CSGALNACT1: variants seen among roughly 807,000 people sequenced by gnomAD.
CSGALNACT1 encodes chondroitin sulfate N-acetylgalactosaminyltransferase 1.
CSGALNACT1 carries 52 observed loss-of-function variants against 51.0 expected under a neutral mutation model. The ratio of observed to expected loss-of-function variants is 1.02; its 90% CI spans 0.82 to 1.29. The LOEUF is 1.29. Among genes scored for constraint, CSGALNACT1 ranks in the 50% most tolerant of loss-of-function variants. CSGALNACT1 has a pLI of 0.00. For missense variants in CSGALNACT1, 935 were observed against 679.2 expected, an observed-to-expected ratio of 1.38 and a Z score of -4.19; for synonymous variants, 341 against 254.4, an observed-to-expected ratio of 1.34 and a Z score of -3.24.
At chr8:19,407,905 TTGTGTGTGTGTGTGTGTGTG>T (rs60746708) in intron 9 of CSGALNACT1, among the ~76,000 whole-genome samples, 24 of 112,780 alleles carry the variant, frequency 2.1e-4, no homozygotes, top group East Asian at 1.4e-3. Context: ...TGTATATGAA[TTGTGTGTGTGTGTGTGTGTG>T]TGTGTGTGTG....
At chr8:19,533,815 A>AAC (rs2083241420) in intron 3 of CSGALNACT1, among the ~76,000 whole-genome samples, 1 of 152,160 alleles carries the variant, frequency 6.6e-6, no homozygotes, top group African/African-American at 2.4e-5. Flanking sequence ...TTTTCTCCAA[A>AAC]ACATATGCAG....
chr8:19,676,656 T>G (rs1386606831), intron 1 of CSGALNACT1, among the ~76,000 whole-genome samples: 2 of 151,966 alleles, frequency 1.3e-5, no homozygotes, highest in African/African-American at 4.8e-5. Flanking sequence ...AATCAACATT[T>G]GCAGAAACAG....
intron 1 of CSGALNACT1, among the ~76,000 whole-genome samples, chr8:19,732,879 A>G (rs757473193): frequency 1.3e-5 from 2 of 152,222 alleles, no homozygotes; most frequent in Non-Finnish European, 2.9e-5. Context: ...TGTAACTTTG[A>G]TGATAATGGA....
At position 19,666,943 on chromosome 8, in the gene CSGALNACT1, A is replaced by AAAGAAAGAAAGAAAGAAAGAAAG. The variant is rs2059317042; in HGVS notation, c.-544+15529_-544+15530insCTTTCTTTCTTTCTTTCTTTCTT. On this transcript the variant is annotated intron_variant, in intron 1 of 9. Coordinates refer to the CSGALNACT1 transcript ENST00000332246. ...GAAGGGAGAGACAGAGAGAGAGAGA[A>AAAGAAAGAAAGAAAGAAAGAAAG]AAAGAAAGAAAGAAAGAAAGAAAGA... 2.5e-5 allele frequency among the ~76,000 whole-genome samples: 2 copies of AAAGAAAGAAAGAAAGAAAGAAAG among 79,392 alleles called. 1 individual carries two copies. The highest frequency in any genetic ancestry group is 5.2e-5 in the Non-Finnish European group (2 of 38,690). 52.1% of individuals were successfully genotyped at this position (79,392 alleles called of 152,430 possible).
intron 4 of CSGALNACT1, among the ~76,000 whole-genome samples, chr8:19,500,305 A>C (rs904179147): frequency 1.3e-5 from 2 of 152,062 alleles, no homozygotes; most frequent in African/African-American, 4.8e-5. Flanking sequence ...CCTGCCTGTG[A>C]GTCTCCTCCC....
At chr8:19,553,639 A>ATATATATAT (rs869251447) in intron 3 of CSGALNACT1, among the ~76,000 whole-genome samples, 8 of 126,610 alleles carry the variant, frequency 6.3e-5, no homozygotes, top group African/African-American at 2.5e-4. Flanking sequence ...ATATATATAT[A>ATATATATAT]AAAAAATATG....
intron 1 of CSGALNACT1, among the ~76,000 whole-genome samples, chr8:19,613,933 T>C (rs2052643831): frequency 6.6e-6 from 1 of 152,236 alleles, no homozygotes; most frequent in African/African-American, 2.4e-5. Context: ...AAGTCCCAGA[T>C]GTCAACTAAT....
At chr8:19,472,869 T>A (rs553548258) in intron 4 of CSGALNACT1, among the ~76,000 whole-genome samples, 1 of 152,340 alleles carries the variant, frequency 6.6e-6, no homozygotes, top group East Asian at 1.9e-4. Flanking sequence ...GGAATAATAC[T>A]TCTTCATAGG....
rs113772315 is a variant in CSGALNACT1 at position 19,492,830 on chromosome 8, T to C, written c.634+12371A>G. On this transcript the variant is annotated intron_variant, in intron 4 of 9. Coordinates refer to ENST00000454498, the Ensembl canonical transcript of CSGALNACT1. ...TTCATCTTTATAGTAATCTGTTGAC[T>C]ATGATCAGGAATAATATGAACAGAT... 5.7e-3 allele frequency among the ~76,000 whole-genome samples: 861 copies of C among 152,312 alleles called. 9 individuals carry two copies. Among genetic ancestry groups the C allele is most frequent in the African/African-American group, 0.02 (812 of 41,564 alleles).
intron 2 of CSGALNACT1, among the ~76,000 whole-genome samples, chr8:19,599,805 C>G (rs2050003884): frequency 6.6e-6 from 1 of 152,188 alleles, no homozygotes; most frequent in Non-Finnish European, 1.5e-5. Context: ...CCTTCAGCAG[C>G]AGAACTTCAC....
At chr8:19,493,246 T>G (rs952109206) in intron 4 of CSGALNACT1, among the ~76,000 whole-genome samples, 3 of 152,146 alleles carry the variant, frequency 2.0e-5, no homozygotes, top group African/African-American at 7.2e-5. Flanking sequence ...TTCGGTCACC[T>G]CAACTATTTT....
At chr8:19,536,466 A>C (rs1230641077) in intron 3 of CSGALNACT1, among the ~76,000 whole-genome samples, 1 of 152,210 alleles carries the variant, frequency 6.6e-6, no homozygotes, top group Non-Finnish European at 1.5e-5. Flanking sequence ...CTAACAAGAT[A>C]TGTACATGCC....
intron 1 of CSGALNACT1, among the ~76,000 whole-genome samples, chr8:19,742,785 G>A (rs936004125): frequency 2.0e-5 from 3 of 152,196 alleles, no homozygotes; most frequent in Non-Finnish European, 4.4e-5. Context: ...TGAAGGGTCT[G>A]GAAACTGGGA....
intron 1 of CSGALNACT1, among the ~76,000 whole-genome samples, chr8:19,622,800 A>T (rs1464078839): frequency 6.6e-6 from 1 of 152,216 alleles, no homozygotes; most frequent in Non-Finnish European, 1.5e-5. Context: ...AAGGCAAGAA[A>T]GGAGAAAAAA....
intron 1 of CSGALNACT1, among the ~76,000 whole-genome samples, chr8:19,704,414 G>A (rs1313090181): frequency 1.3e-5 from 2 of 152,162 alleles, no homozygotes; most frequent in Admixed American, 1.3e-4. Context: ...TGATGAAAAA[G>A]TCAAAAATAT....
At chr8:19,645,021 A>T (rs919047508) in intron 1 of CSGALNACT1, among the ~76,000 whole-genome samples, 8 of 152,188 alleles carry the variant, frequency 5.3e-5, no homozygotes, top group Admixed American at 1.3e-4. Context: ...AAATGAAAGG[A>T]TCTATGTAAA....
At chr8:19,560,483 A>G (rs752129730) in intron 3 of CSGALNACT1, among the ~76,000 whole-genome samples, 7 of 152,318 alleles carry the variant, frequency 4.6e-5, no homozygotes, top group Admixed American at 6.5e-5. Context: ...GATCAGTCAC[A>G]TGTATAACCA....
intron 4 of CSGALNACT1, among the ~76,000 whole-genome samples, chr8:19,492,684 T>A (rs969512359): frequency 2.6e-5 from 4 of 152,168 alleles, no homozygotes; most frequent in Non-Finnish European, 4.4e-5. Context: ...GTCTTGCTGG[T>A]CCACGCCACT....
At chr8:19,463,591 G>A (rs565929087) in intron 4 of CSGALNACT1, among the ~76,000 whole-genome samples, 1 of 152,204 alleles carries the variant, frequency 6.6e-6, no homozygotes, top group Non-Finnish European at 1.5e-5. Context: ...CAAATGGCAA[G>A]TACAAAGCAA....
Sources: allele counts gnomAD v4.1 joint callset (sites outside exome capture counted in the v4.1 genomes callset), GRCh38; gene constraint gnomAD v4.1.1; transcripts MANE v1.5; gene names NCBI Gene and HGNC (gene_info 2026-07-23, HGNC 2026-07-21).